DLC1: variants seen among roughly 807,000 people sequenced by gnomAD.
DLC1 encodes the protein rho GTPase-activating protein 7.
In DLC1, 54 loss-of-function variants were observed where a neutral mutation model predicts 140.3. The observed-to-expected ratio is 0.38, with a 90% CI of 0.31 to 0.48. The LOEUF is 0.48. Ranked by LOEUF, DLC1 falls within the 20% of genes least tolerant of loss-of-function variation. The pLI is 0.96. For synonymous variants in DLC1, 986 were observed against 728.1 expected (o/e 1.35, Z -5.70); for missense variants, 2,536 against 1,907.0 (o/e 1.33, Z -6.14).
chr8:13,416,094 G>T (rs968170456), intron 2 of DLC1, among the ~76,000 whole-genome samples: 1 of 152,168 alleles, frequency 6.6e-6, no homozygotes, highest in African/African-American at 2.4e-5. Flanking sequence ...CTGTTCACAT[G>T]TTCAGTGACA....
At chr8:13,309,158 A>G (rs1269404504) in intron 4 of DLC1, among the ~76,000 whole-genome samples, 2 of 152,186 alleles carry the variant, frequency 1.3e-5, no homozygotes, top group Non-Finnish European at 2.9e-5. Context: ...CATCCTCAGG[A>G]AGTGATTTAA....
intron 4 of DLC1, among the ~76,000 whole-genome samples, chr8:13,386,756 AT>A (rs1836538061): frequency 6.6e-6 from 1 of 152,062 alleles, no homozygotes; most frequent in African/African-American, 2.4e-5. Flanking sequence ...ATTCTAGGAA[AT>A]ATCACATTAT....
chr8:13,295,938 CTTTGTTTTTTTTTTTT>C (rs1238893608), intron 5 of DLC1, among the ~76,000 whole-genome samples: 1 of 53,346 alleles, frequency 1.9e-5, no homozygotes, highest in Non-Finnish European at 3.7e-5. Context: ...AGATAAGATT[CTTTGTTTTTTTTTTTT>C]TTTTTTTTTT....
At chr8:13,455,083 A>G (rs1799324014) in intron 2 of DLC1, among the ~76,000 whole-genome samples, 1 of 152,220 alleles carries the variant, frequency 6.6e-6, no homozygotes, top group Admixed American at 6.5e-5. Context: ...TAGTTAGATA[A>G]GAGGTGTGAA....
In DLC1 at chr8:13,289,372, C is replaced by T. The variant is rs574929047; in HGVS notation, c.1348+15897G>A. 3.3e-5 allele frequency among the ~76,000 whole-genome samples: 5 copies of T among 151,824 alleles called. No individual in the cohort carries two copies. In the South Asian group the frequency reaches 6.2e-4, roughly 19 times the overall value. On this transcript the variant is annotated intron_variant, in intron 5 of 17. Coordinates refer to ENST00000276297, the MANE Select transcript of DLC1 (RefSeq NM_182643.3). ...CACCTGGTTAAATTAATTTTTTTTT[C>T]ATAGAGTTGGAGTCTCTCTATTTTG...
intron 4 of DLC1, among the ~76,000 whole-genome samples, chr8:13,384,576 A>C (rs1836430405): frequency 6.6e-6 from 1 of 152,226 alleles, no homozygotes; most frequent in South Asian, 2.1e-4. Context: ...AAAATCATTT[A>C]ATATTCTGAC....
chr8:13,290,546 G>A (rs1196470858), intron 5 of DLC1, among the ~76,000 whole-genome samples: 1 of 152,032 alleles, frequency 6.6e-6, no homozygotes, highest in Non-Finnish European at 1.5e-5. Context: ...TTCAAGAAAT[G>A]CAAAGATAAT....
At chr8:13,457,188 GTGTT>G (rs1799430119) in intron 2 of DLC1, among the ~76,000 whole-genome samples, 2 of 152,108 alleles carry the variant, frequency 1.3e-5, no homozygotes, top group South Asian at 4.1e-4. Flanking sequence ...CTCACAATGA[GTGTT>G]TGACAAATGT....
chr8:13,120,913 A>G (rs377716168), intron 5 of DLC1, among the ~76,000 whole-genome samples: 10 of 152,046 alleles, frequency 6.6e-5, no homozygotes, highest in South Asian at 4.2e-4. Context: ...CCCCAGCATC[A>G]TTCTGTGGAA....
At chr8:13,453,424 G>GTATATATA (rs1173719745) in intron 2 of DLC1, among the ~76,000 whole-genome samples, 31 of 56,508 alleles carry the variant, frequency 5.5e-4, no homozygotes, top group Non-Finnish European at 6.9e-4. Context: ...ATATATATAT[G>GTATATATA]TGTATATATA....
chr8:13,086,611 T>C, intron 16 of DLC1, 148 bp from the exon 17 acceptor site: 1 of 782,910 alleles, frequency 1.3e-6, no homozygotes, highest in Non-Finnish European at 2.0e-6. Context: ...AATGGCATCC[T>C]CTAAACTACT....
chr8:13,374,763 CAGAG>C (rs918408365), intron 4 of DLC1, among the ~76,000 whole-genome samples: 17 of 152,280 alleles, frequency 1.1e-4, no homozygotes, highest in African/African-American at 4.1e-4. Flanking sequence ...GTCTGGGTGA[CAGAG>C]AGAGACTCCG....
At chr8:13,313,069 T>A (rs77226450) in intron 4 of DLC1, among the ~76,000 whole-genome samples, 8,175 of 152,266 alleles carry the variant, frequency 0.054, 272 homozygotes, top group South Asian at 0.12. Flanking sequence ...TGTGAAATGC[T>A]CCTTCTCACA....
intron 2 of DLC1, among the ~76,000 whole-genome samples, chr8:13,478,836 A>T (rs984470566): frequency 1.3e-5 from 2 of 152,166 alleles, no homozygotes; most frequent in African/African-American, 4.8e-5. Context: ...ACTTTCTTCA[A>T]TTCTCGTTCT....
At chr8:13,464,749 TATATATATATATATATTTATATATA>T (rs1563370390) in intron 2 of DLC1, among the ~76,000 whole-genome samples, 49 of 60,586 alleles carry the variant, frequency 8.1e-4, no homozygotes, top group Middle Eastern at 8.1e-3. Flanking sequence ...TTTTAAATTA[TATATATATATATATATTTATATATA>T]TATATATATA....
At chr8:13,582,984 A>G (rs772610688) in intron 1 of DLC1, among the ~76,000 whole-genome samples, 32 of 149,906 alleles carry the variant, frequency 2.1e-4, no homozygotes, top group Non-Finnish European at 3.5e-4. Context: ...ATTGCTGAAA[A>G]TGCTAATGGT....
In DLC1 at chr8:13,316,213, G is replaced by C. The variant is rs1832854755; in HGVS notation, c.1315-10911C>G. 1.3e-5 allele frequency among the ~76,000 whole-genome samples: 2 copies of C among 152,160 alleles called. 1 individual carries two copies. Among genetic ancestry groups the C allele is most frequent in the South Asian group, 4.1e-4 (2 of 4,822 alleles). On this transcript the variant is annotated intron_variant, in intron 4 of 17. Coordinates refer to ENST00000276297, the MANE Select transcript of DLC1 (RefSeq NM_182643.3). ...AGCCACTTGATCTACTAGCTAGTGT[G>C]GTCTGGTGCCTGCAGCAGCCTGTAG...
At chr8:13,482,234 T>C (rs1800770071) in intron 2 of DLC1, among the ~76,000 whole-genome samples, 1 of 152,194 alleles carries the variant, frequency 6.6e-6, no homozygotes, top group Admixed American at 6.6e-5. Context: ...TGAAGTAATA[T>C]CATTAATTAA....
chr8:13,508,606 G>A (rs142315188), intron 1 of DLC1, among the ~76,000 whole-genome samples: 3,521 of 152,048 alleles, frequency 0.023, 59 homozygotes, highest in Non-Finnish European at 0.034. Context: ...TTTTAGTAGA[G>A]ACAGGGTTTC....
Sources: allele counts gnomAD v4.1 joint callset (sites outside exome capture counted in the v4.1 genomes callset), GRCh38; gene constraint gnomAD v4.1.1; transcripts MANE v1.5; gene names NCBI Gene and HGNC (gene_info 2026-07-23, HGNC 2026-07-21).